Variants in ACTR2 observed in about 807,000 individuals in gnomAD.
ACTR2 encodes actin related protein 2, also known as actin-related protein 2.
A neutral mutation model predicts 50.2 loss-of-function variants in ACTR2; 5 were observed. The ratio of observed to expected loss-of-function variants is 0.10; its 90% CI spans 0.05 to 0.21. ACTR2 has a LOEUF of 0.21. ACTR2 is among the 10% of genes least tolerant of loss of function. The pLI is 1.00. For synonymous variants in ACTR2, 140 were observed against 162.9 expected (o/e 0.86, Z 1.07); for missense variants, 180 against 480.6 (o/e 0.37, Z 5.85).
chr2:65,249,350 C>G (rs1238685395), intron 3 of ACTR2, among the ~76,000 whole-genome samples: 2 of 152,098 alleles, frequency 1.3e-5, no homozygotes, highest in African/African-American at 4.8e-5. Context: ...TTTAAAGAAT[C>G]CATATGATTT....
At chr2:65,227,997 CGG>C in intron 1 of ACTR2, 40 bp downstream of exon 1, 1 of 1,476,684 alleles carries the variant, frequency 6.8e-7, no homozygotes. Context: ...CCACAGACGC[CGG>C]CGGGGACGAG....
At chr2:65,243,005 G>A (rs1671870599) in intron 2 of ACTR2, among the ~76,000 whole-genome samples, 1 of 152,206 alleles carries the variant, frequency 6.6e-6, no homozygotes, top group South Asian at 2.1e-4. Context: ...TGCTTGCTGG[G>A]CACGGTGGCT....
intron 3 of ACTR2, among the ~76,000 whole-genome samples, chr2:65,249,732 A>C (rs1031888197): frequency 2.0e-5 from 3 of 152,118 alleles, no homozygotes; most frequent in Admixed American, 6.6e-5. Flanking sequence ...TTCCCAGCTG[A>C]CCTGGGCTAC....
intron 4 of ACTR2, among the ~76,000 whole-genome samples, chr2:65,252,354 T>A (rs577800139): frequency 6.6e-6 from 1 of 151,996 alleles, no homozygotes; most frequent in Non-Finnish European, 1.5e-5. Flanking sequence ...AAGGAGGTAG[T>A]TTTAGGCCGG....
intron 8 of ACTR2, among the ~76,000 whole-genome samples, chr2:65,267,577 CA>C (rs1558630836): frequency 6.6e-6 from 1 of 152,022 alleles, no homozygotes; most frequent in Admixed American, 6.5e-5. Flanking sequence ...AGGTGTTGAC[CA>C]ACCATAAAGA....
In ACTR2 at chr2:65,234,909, T is replaced by G. The variant is rs143680235; in HGVS notation, c.49-4943T>G. On this transcript the variant is annotated intron_variant, in intron 1 of 8. Transcript: ENST00000260641. ...TTTTCATCCGGATAAATGGATACTT[T>G]TGACTATATCTGTTTATTACTTGGA... Among the ~76,000 whole-genome samples, 660 of 152,338 alleles carry G rather than the reference T, an allele frequency of 4.3e-3. 3 individuals are homozygous for G. The highest frequency in any genetic ancestry group is 0.014 in the African/African-American group (591 of 41,584).
At chr2:65,230,286 G>A (rs1054180967) in intron 1 of ACTR2, among the ~76,000 whole-genome samples, 1 of 151,858 alleles carries the variant, frequency 6.6e-6, no homozygotes, top group Admixed American at 6.6e-5. Flanking sequence ...TTTTTAGAAA[G>A]TCAAGCCAGT....
chr2:65,241,759 T>C (rs1450303141), intron 2 of ACTR2, among the ~76,000 whole-genome samples: 1 of 152,198 alleles, frequency 6.6e-6, no homozygotes, highest in Admixed American at 6.5e-5. Flanking sequence ...GGAATTCCTG[T>C]GCTTAGTATT....
At chr2:65,263,542 C>T (rs549906964) in intron 7 of ACTR2, among the ~76,000 whole-genome samples, 50 of 152,186 alleles carry the variant, frequency 3.3e-4, no homozygotes, top group African/African-American at 1.2e-3. Flanking sequence ...AAATAGCCAC[C>T]TAATTAATTT....
intron 1 of ACTR2, among the ~76,000 whole-genome samples, chr2:65,234,923 T>A (rs1007226590): frequency 1.3e-5 from 2 of 152,198 alleles, no homozygotes; most frequent in Admixed American, 6.5e-5. Context: ...CTATATCTGT[T>A]TATTACTTGG....
intron 8 of ACTR2, among the ~76,000 whole-genome samples, chr2:65,267,634 A>G (rs1672398348): frequency 6.6e-6 from 1 of 152,192 alleles, no homozygotes; most frequent in Non-Finnish European, 1.5e-5. Context: ...TACAGAGTAT[A>G]AAACTTTTCC....
At chr2:65,265,255 A>C in intron 8 of ACTR2, 80 bp downstream of exon 8, 1 of 1,522,912 alleles carries the variant, frequency 6.6e-7, no homozygotes, top group Non-Finnish European at 9.1e-7. Flanking sequence ...CAACCACCAG[A>C]GGGAGCAAGA....
intron 1 of ACTR2, among the ~76,000 whole-genome samples, chr2:65,230,115 C>T (rs10439433): frequency 6.6e-6 from 1 of 152,102 alleles, no homozygotes; most frequent in African/African-American, 2.4e-5. Context: ...CTAAATTAAC[C>T]ATAAACGCAT....
intron 6 of ACTR2, among the ~76,000 whole-genome samples, chr2:65,257,325 A>G (rs1049714320): frequency 7.2e-5 from 11 of 152,198 alleles, no homozygotes; most frequent in African/African-American, 2.7e-4. Flanking sequence ...TATATGTGCC[A>G]CATTTTCTTT....
At chr2:65,248,505 A>C (rs1298886571) in intron 3 of ACTR2, among the ~76,000 whole-genome samples, 1 of 152,224 alleles carries the variant, frequency 6.6e-6, no homozygotes, top group Non-Finnish European at 1.5e-5. Context: ...TGAGTATCCC[A>C]CAAGGAGGCA....
chr2:65,268,483 CAT>C, intron 8 of ACTR2, 79 bp from the exon 9 acceptor site: 1 of 1,250,840 alleles, frequency 8.0e-7, no homozygotes, highest in African/African-American at 1.5e-5. Context: ...TGAGGGAGAG[CAT>C]ATATTTAAAA....
chr2:65,256,609 C>T (rs1027043308), intron 6 of ACTR2, among the ~76,000 whole-genome samples: 5 of 152,152 alleles, frequency 3.3e-5, no homozygotes, highest in African/African-American at 4.8e-5. Flanking sequence ...CGGTGGCTCA[C>T]GCCTGTAATC....
intron 1 of ACTR2, among the ~76,000 whole-genome samples, chr2:65,230,353 T>C (rs1671611786): frequency 6.6e-6 from 1 of 151,756 alleles, no homozygotes; most frequent in Non-Finnish European, 1.5e-5. Context: ...ATTTGTAGTA[T>C]ATATGAGTTT....
At chr2:65,252,126 G>A (rs537502350) in intron 4 of ACTR2, among the ~76,000 whole-genome samples, 1 of 152,226 alleles carries the variant, frequency 6.6e-6, no homozygotes, top group South Asian at 2.1e-4. Flanking sequence ...AGAAAATAAG[G>A]TGAGGTGGGT....
Sources: gnomAD v4.1 joint callset for allele counts (sites outside exome capture counted in the v4.1 genomes callset) on GRCh38, gnomAD v4.1.1 for gene constraint, MANE v1.5 for transcripts, NCBI Gene and HGNC (gene_info 2026-07-23, HGNC 2026-07-21) for gene names.